TUSC3: variants seen among roughly 807,000 people sequenced by gnomAD.
TUSC3 encodes the protein dolichyl-diphosphooligosaccharide--protein glycosyltransferase subunit TUSC3.
Under a neutral mutation model 44.8 loss-of-function variants are expected in TUSC3, and 45 were observed. The observed-to-expected ratio is 1.00, with a 90% CI of 0.79 to 1.29. The LOEUF (loss-of-function observed/expected upper bound fraction) is 1.29, where lower values mean the gene tolerates loss of function less well. TUSC3 is among the 50% of genes most tolerant of loss of function. The pLI is 0.00. For missense variants in TUSC3, 519 were observed against 437.9 expected, an observed-to-expected ratio of 1.19 and a Z score of -1.65; for synonymous variants, 212 against 152.9, an observed-to-expected ratio of 1.39 and a Z score of -2.85.
At chr8:15,801,009 C>A in the TUSC3 span, among the ~76,000 whole-genome samples, 2 of 152,120 alleles carry the variant, frequency 1.3e-5, no homozygotes, top group Admixed American at 1.3e-4. Context: ...GGGTCCCGAT[C>A]CAGATCCCCA....
chr8:15,844,551 C>T, the TUSC3 span, among the ~76,000 whole-genome samples: 1 of 152,132 alleles, frequency 6.6e-6, no homozygotes, highest in African/African-American at 2.4e-5. Flanking sequence ...ATGTCCATAA[C>T]TCAGATTTAT....
chr8:15,530,100 A>T (rs570021204), intron 2 of TUSC3, among the ~76,000 whole-genome samples: 1 of 151,514 alleles, frequency 6.6e-6, no homozygotes, highest in Admixed American at 6.6e-5. Flanking sequence ...AGTTTTTTAC[A>T]CTCCTGTATT....
chr8:15,585,818 G>A (rs540673353), intron 1 of TUSC3, among the ~76,000 whole-genome samples: 5 of 152,194 alleles, frequency 3.3e-5, no homozygotes, highest in Admixed American at 2.6e-4. Context: ...AAGATTCAAC[G>A]GAGGACCCAC....
intron 2 of TUSC3, among the ~76,000 whole-genome samples, chr8:15,492,109 T>G (rs961218921): frequency 1.3e-5 from 2 of 152,184 alleles, no homozygotes; most frequent in Non-Finnish European, 2.9e-5. Context: ...GTTGAGTACT[T>G]ACCATATGGC....
intron 2 of TUSC3, among the ~76,000 whole-genome samples, chr8:15,515,721 G>T (rs1801207772): frequency 6.6e-6 from 1 of 152,028 alleles, no homozygotes; most frequent in Non-Finnish European, 1.5e-5. Context: ...AGACTGGAGG[G>T]CAGTCATGCA....
intron 2 of TUSC3, among the ~76,000 whole-genome samples, chr8:15,491,049 A>G (rs2129125802): frequency 6.6e-6 from 1 of 152,352 alleles, no homozygotes; most frequent in Non-Finnish European, 1.5e-5. Flanking sequence ...TTCACTGAAC[A>G]CACATTTTAC....
At chr8:15,633,615 A>T (rs1805920881) in intron 2 of TUSC3, among the ~76,000 whole-genome samples, 1 of 152,274 alleles carries the variant, frequency 6.6e-6, no homozygotes, top group South Asian at 2.1e-4. Context: ...ATTTTATTGC[A>T]TTGTTACAGA....
intron 9 of TUSC3, among the ~76,000 whole-genome samples, chr8:15,752,423 T>C (rs188628414): frequency 2.4e-3 from 372 of 152,166 alleles, no homozygotes; most frequent in Non-Finnish European, 3.7e-3. Context: ...AAGGAAGATA[T>C]ATACACAAAA....
chr8:15,791,669 C>G, the TUSC3 span, among the ~76,000 whole-genome samples: 1 of 152,098 alleles, frequency 6.6e-6, no homozygotes, highest in African/African-American at 2.4e-5. Flanking sequence ...TTCTTCTTGT[C>G]TCACACATAA....
intron 3 of TUSC3, 34 bp from the exon 4 acceptor site, chr8:15,659,473 C>A (rs201478439): frequency 1.3e-4 from 207 of 1,604,340 alleles, no homozygotes; most frequent in Non-Finnish European, 1.7e-4. Context: ...ATAAGATGAT[C>A]CTATATTTAG....
chr8:15,529,851 G>T (rs530187543), intron 2 of TUSC3, among the ~76,000 whole-genome samples: 1 of 103,444 alleles, frequency 9.7e-6, no homozygotes, highest in East Asian at 3.1e-4. Flanking sequence ...ACTGCGGACT[G>T]CAATGGCGCA....
chr8:15,468,137 A>G (rs569313043), intron 1 of TUSC3, among the ~76,000 whole-genome samples: 1 of 152,200 alleles, frequency 6.6e-6, no homozygotes, highest in Non-Finnish European at 1.5e-5. Context: ...GAAAAGCAGA[A>G]TTGAAGAGTA....
At chr8:15,777,236 T>G in the TUSC3 span, among the ~76,000 whole-genome samples, 1 of 152,094 alleles carries the variant, frequency 6.6e-6, no homozygotes, top group African/African-American at 2.4e-5. Flanking sequence ...AGCATACCAA[T>G]GAAAATTCAA....
intron 6 of TUSC3, among the ~76,000 whole-genome samples, chr8:15,676,947 TA>T (rs1808217788): frequency 6.6e-6 from 1 of 152,198 alleles, no homozygotes; most frequent in Admixed American, 6.5e-5. Context: ...GACCTACATT[TA>T]ATGTTTAGGA....
chr8:15,521,752 T>C (rs1801303151), intron 2 of TUSC3, among the ~76,000 whole-genome samples: 1 of 152,218 alleles, frequency 6.6e-6, no homozygotes, highest in South Asian at 2.1e-4. Context: ...TTATGAAATG[T>C]GTCTCAGAAC....
chr8:15,653,807 C>A (rs1431149193), intron 3 of TUSC3, among the ~76,000 whole-genome samples: 1 of 152,124 alleles, frequency 6.6e-6, no homozygotes, highest in East Asian at 1.9e-4. Flanking sequence ...TCATATTTTG[C>A]TGAAGTACTG....
chr8:15,844,916 C>A, the TUSC3 span, among the ~76,000 whole-genome samples: 3 of 152,046 alleles, frequency 2.0e-5, no homozygotes, highest in African/African-American at 7.2e-5. Flanking sequence ...CGTGAGTGGT[C>A]TTAAAATATT....
intron 9 of TUSC3, chr8:15,748,863 A>T: frequency 2.5e-6 from 1 of 402,508 alleles, no homozygotes; most frequent in South Asian, 1.8e-5. Flanking sequence ...ACAAAATTTT[A>T]ACTTTTCAAA....
intron 2 of TUSC3, among the ~76,000 whole-genome samples, chr8:15,493,338 G>T (rs770047259): frequency 6.6e-6 from 1 of 152,072 alleles, no homozygotes; most frequent in Non-Finnish European, 1.5e-5. Context: ...ATAGCTCACA[G>T]CAGGGTCAAA....
Sources: allele counts gnomAD v4.1 joint callset (sites outside exome capture counted in the v4.1 genomes callset), GRCh38; gene constraint gnomAD v4.1.1; transcripts MANE v1.5; gene names NCBI Gene and HGNC (gene_info 2026-07-23, HGNC 2026-07-21).